The following APCDD1 variants were observed in gnomAD, a reference collection of about 807,000 sequenced individuals.
APCDD1 encodes protein APCDD1.
Under a neutral mutation model 38.1 loss-of-function variants are expected in APCDD1, and 15 were observed. The observed-to-expected ratio is 0.39, with a 90% CI of 0.26 to 0.61. The LOEUF (loss-of-function observed/expected upper bound fraction) is 0.61. APCDD1 is among the 20% of genes least tolerant of loss of function. The pLI, the probability that APCDD1 is intolerant of heterozygous loss-of-function variation, is 0.49. For missense variants in APCDD1, 647 were observed against 696.2 expected (o/e 0.93, Z 0.79); for synonymous variants, 261 against 279.7 (o/e 0.93, Z 0.67).
chr18:10,455,115 C>T (rs2143498491), intron 1 of APCDD1, 76 bp downstream of exon 1: 7 of 1,538,202 alleles, frequency 4.6e-6, no homozygotes, highest in East Asian at 2.5e-5. Context: ...GCGGAGGCGT[C>T]GGGTCTGGAT....
In APCDD1 at chr18:10,454,867, A is replaced by G. The variant is rs1457717193; in HGVS notation, c.-115A>G. 1.7e-6 allele frequency: 2 copies of G among 1,147,614 alleles called. No individual in the cohort carries two copies. Among genetic ancestry groups the G allele is most frequent in the East Asian group, 9.0e-5 (2 of 22,120 alleles). The allele number at this position is 1,147,614 out of a possible 1,614,324, so 71.1% of individuals were successfully genotyped here. A position where few individuals can be genotyped will look rare whatever the true frequency, so the allele number is the denominator to read the frequency against. On this transcript the variant is annotated 5_prime_UTR_variant, in exon 1 of 5. Coordinates refer to ENST00000355285, the MANE Select transcript of APCDD1 (RefSeq NM_153000.5). ...CATGGGGCGCGCGGCAGCCGCCTGAAGCCCCGGCCTGGCCCGGCCGCACCC... is the reference window on the plus strand; with the variant it reads ...CATGGGGCGCGCGGCAGCCGCCTGAGGCCCCGGCCTGGCCCGGCCGCACCC...
chr18:10,471,836 G>A lies in APCDD1; in HGVS notation c.549G>A (p.Gln183=), dbSNP rs771865619. The A allele has an allele frequency of 6.2e-7, 1 of 1,614,190 alleles. No homozygotes were observed. Among genetic ancestry groups the A allele is most frequent in the Admixed American group, 1.7e-5 (1 of 60,034 alleles). ...GFLADGGPWV[Q]DVAYDLWREE... Reference sequence around the variant, plus strand: ...TCGCAGACGGGGGTCCCTGGGTGCAGGACGTGGCCTATGACCTCTGGCGAG... The same window carrying A: ...TCGCAGACGGGGGTCCCTGGGTGCAAGACGTGGCCTATGACCTCTGGCGAG... The change falls in exon 3 of 5, where the codon CAG becomes CAA. Residue 183 remains glutamine (Q), a synonymous_variant. Transcript: ENST00000355285. The surrounding 1 kb of genome is among the most constrained non-coding windows in gnomAD (Gnocchi z 5.5).
At chr18:10,455,935 C>A (rs1430224472) in intron 1 of APCDD1, among the ~76,000 whole-genome samples, 1 of 152,170 alleles carries the variant, frequency 6.6e-6, no homozygotes, top group African/African-American at 2.4e-5. Flanking sequence ...CCCTAATGGT[C>A]AGACACCTGA....
At position 10,454,644 on chromosome 18, in the gene APCDD1, C is replaced by G. The variant is rs1159914544; in HGVS notation, c.-338C>G. Reference sequence around the variant, plus strand: ...GGCGCGCTGGAAATATGAAGAGACGCTGCAGCTGCGGTGGCGGTGGCGGCC... The same window carrying G: ...GGCGCGCTGGAAATATGAAGAGACGGTGCAGCTGCGGTGGCGGTGGCGGCC... On this transcript the variant is annotated 5_prime_UTR_variant, in exon 1 of 5. Coordinates refer to ENST00000355285, the MANE Select transcript of APCDD1 (RefSeq NM_153000.5). 2 of 1,049,532 alleles carry G rather than the reference C, an allele frequency of 1.9e-6. No homozygotes were observed. The highest frequency in any genetic ancestry group is 2.1e-4 in the East Asian group (2 of 9,692). The allele number at this position is 1,049,532 out of a possible 1,614,324, so 65.0% of individuals were successfully genotyped here.
Position 10,469,259 on chromosome 18 carries a change from A to C in APCDD1, c.242+607A>C, listed in dbSNP as rs2030793672. Among the ~76,000 whole-genome samples the C allele has an allele frequency of 6.6e-6, 1 of 152,152 alleles. No individual in the cohort carries two copies. The highest frequency in any genetic ancestry group is 2.4e-5 in the African/African-American group (1 of 41,428). On this transcript the variant is annotated intron_variant, in intron 2 of 4. Transcript: ENST00000355285. This position sits in a 1 kb window ranked among gnomAD's most constrained non-coding sequence, Gnocchi z 5.5. ...TAGATTGCTGAGAATTAACAAGACT[A>C]ACTCTGGGATCTGATCACTTCTCCC...
At position 10,485,754 on chromosome 18, in the gene APCDD1, T is replaced by C; in HGVS notation, c.1067T>C (p.Val356Ala). The C allele has an allele frequency of 6.2e-7, 1 of 1,613,630 alleles. No homozygotes were observed. The highest frequency in any genetic ancestry group is 8.5e-7 in the Non-Finnish European group (1 of 1,180,018). The change falls in exon 4 of 5, where the codon GTC becomes GCC. Residue 356 changes from valine to alanine, a missense_variant. By Grantham distance (64) the Val-to-Ala change is moderately conservative. Transcript: ENST00000355285. The surrounding 1 kb of genome is among the most constrained non-coding windows in gnomAD (Gnocchi z 5.8). ...AGCCGCGGCGTCCTCTCGTCCAGGG[T>C]CATGGGAGGCACCGAGTTCGTGTTC... is the stretch of plus-strand genomic sequence containing the variant. ...RYSRGVLSSR[V>A]MGGTEFVFKV...
rs201504676 is a variant in APCDD1, at chr18:10,471,945, C to T, written c.658C>T (p.His220Tyr). ...QLIRVEKQYL[H>Y]HNLDHLVEEL... ...CATCCGGGTGGAGAAGCAGTACCTT[C>T]ACCACAACCTCGACCACCTGGTCGA... is the stretch of plus-strand genomic sequence containing the variant. Residue 220 changes from histidine to tyrosine, a missense_variant, in exon 3 of 5, where the codon CAC (histidine) becomes TAC (tyrosine). Coordinates refer to ENST00000355285, the MANE Select transcript of APCDD1 (RefSeq NM_153000.5). The surrounding 1 kb of genome is among the most constrained non-coding windows in gnomAD (Gnocchi z 5.5). 4 of 1,614,122 alleles carry T rather than the reference C, an allele frequency of 2.5e-6. No homozygotes were observed. In the African/African-American group the frequency reaches 5.3e-5, roughly 22 times the overall value.
rs953516620 is a variant in APCDD1 at position 10,489,578 on chromosome 18, A to C, written c.*1540A>C. The C allele has an allele frequency of 1.3e-5, 2 of 152,214 alleles. No individual in the cohort carries two copies. Among genetic ancestry groups the C allele is most frequent in the Non-Finnish European group, 2.9e-5 (2 of 68,112 alleles). The allele number at this position is 152,214 out of a possible 1,614,324, so 9.4% of individuals were successfully genotyped here. On this transcript the variant is annotated 3_prime_UTR_variant, in exon 5 of 5. Transcript: ENST00000355285. ...GCCAGGCGTGGTGGTGGGCACCTGT[A>C]GTCCCAGCTACTCGGGAGGCTGAGG...
At position 10,458,929 on chromosome 18, in the gene APCDD1, C is replaced by T. The variant is rs536611145; in HGVS notation, c.58+3890C>T. Reference sequence around the variant, plus strand: ...GTTCTTAATGGGTTGGTTTTGTGTACATAGGCCATTGCTTAGTCCTCTCCA... The same window carrying T: ...GTTCTTAATGGGTTGGTTTTGTGTATATAGGCCATTGCTTAGTCCTCTCCA... On this transcript the variant is annotated intron_variant, in intron 1 of 4. Transcript: ENST00000355285. Among the ~76,000 whole-genome samples the T allele has an allele frequency of 3.9e-5, 6 of 152,308 alleles. No homozygotes were observed. In the East Asian group the frequency reaches 9.6e-4, roughly 24 times the overall value.
rs61741632 is a variant in APCDD1 at position 10,485,506 on chromosome 18, A to G, written c.819A>G (p.Ser273=). 2,784 of 1,614,204 alleles carry G rather than the reference A, an allele frequency of 1.7e-3. 42 individuals are homozygous for G. The African/African-American group carries it at 0.031, about 18-fold the overall frequency. ...ACIACRIIYR[S]DEHHPPILPP... ...TCGCCTGTCGGATCATCTATCGGTC[A>G]GACGAGCACCACCCTCCCATCCTGC... is the stretch of plus-strand genomic sequence containing the variant. The change falls in exon 4 of 5, where the codon TCA becomes TCG. Residue 273 remains serine, a synonymous_variant. Transcript: ENST00000355285. The surrounding 1 kb of genome is among the most constrained non-coding windows in gnomAD (Gnocchi z 5.8).
chr18:10,455,104 C>G, intron 1 of APCDD1, 65 bp downstream of exon 1: 1 of 1,541,724 alleles, frequency 6.5e-7, no homozygotes, highest in Non-Finnish European at 8.7e-7. Flanking sequence ...CCGCGGAGCC[C>G]GCGGAGGCGT....
intron 3 of APCDD1, among the ~76,000 whole-genome samples, chr18:10,482,027 A>T (rs888470497): frequency 2.0e-5 from 3 of 152,100 alleles, no homozygotes; most frequent in Non-Finnish European, 2.9e-5. Flanking sequence ...CCCAGGCGAC[A>T]GCAGTGCCCC....
intron 3 of APCDD1, among the ~76,000 whole-genome samples, chr18:10,480,729 A>T (rs1486349005): frequency 6.6e-6 from 1 of 151,828 alleles, no homozygotes; most frequent in Non-Finnish European, 1.5e-5. Flanking sequence ...TTATCCAGTC[A>T]TGGTGGTGCA....
rs1246455462 is a variant in APCDD1, at chr18:10,485,243, A to T, written c.775-219A>T. Among the ~76,000 whole-genome samples the T allele has an allele frequency of 6.6e-6, 1 of 152,116 alleles. No homozygotes were observed. The highest frequency in any genetic ancestry group is 1.5e-5 in the Non-Finnish European group (1 of 68,026). ...TTCTAAAGTGTCCACATCACACCTG[A>T]AATGTTTGCATAGGTCTGTACTGTC... On this transcript the variant is annotated intron_variant, in intron 3 of 4. Coordinates refer to ENST00000355285, the MANE Select transcript of APCDD1 (RefSeq NM_153000.5). The surrounding 1 kb of genome is among the most constrained non-coding windows in gnomAD (Gnocchi z 5.8).
In APCDD1 at chr18:10,487,921, C is replaced by T. The variant is rs3185480; in HGVS notation, c.1428C>T (p.Leu476=). 0.42 allele frequency: 670,467 copies of T among 1,612,882 alleles called. 142,460 individuals carry two copies. The highest frequency in any genetic ancestry group is 0.62 in the East Asian group (27,904 of 44,846). ...CCTCTTCGCCGAGGGCAGAGGACCT[C>T]GCAGAAGACAGTGGAAGCAGCCTGT... ...CASSSPRAED[L]AEDSGSSLYG... is the part of the protein sequence containing the mutation. The change falls in exon 5 of 5, where the codon CTC becomes CTT. Residue 476 remains leucine, a synonymous_variant. Transcript: ENST00000355285.
Position 10,488,225 on chromosome 18 carries a change from T to C in APCDD1, c.*187T>C, listed in dbSNP as rs1454447861. 2.7e-6 allele frequency: 2 copies of C among 746,638 alleles called. No homozygotes were observed. Among genetic ancestry groups the C allele is most frequent in the Admixed American group, 2.4e-5 (1 of 41,394 alleles). 46.3% of individuals were successfully genotyped at this position (746,638 alleles called of 1,614,324 possible). A position where few individuals can be genotyped will look rare whatever the true frequency, so the allele number is the denominator to read the frequency against. Reference sequence around the variant, plus strand: ...CAAGGAGTGTTTGAAGTTTCTGCTTTGAACTCCGTCCAGCCTGATCCCTGG... The same window carrying C: ...CAAGGAGTGTTTGAAGTTTCTGCTTCGAACTCCGTCCAGCCTGATCCCTGG... On this transcript the variant is annotated 3_prime_UTR_variant, in exon 5 of 5. Coordinates refer to ENST00000355285, the MANE Select transcript of APCDD1 (RefSeq NM_153000.5).
chr18:10,484,050 T>G (rs761026256), intron 3 of APCDD1, among the ~76,000 whole-genome samples: 1 of 152,188 alleles, frequency 6.6e-6, no homozygotes, highest in Admixed American at 6.5e-5. Flanking sequence ...AGAGAGGCCT[T>G]TCTGTGCCAC....
Position 10,469,525 on chromosome 18 carries a change from T to C in APCDD1, c.242+873T>C, listed in dbSNP as rs1391551404. On this transcript the variant is annotated intron_variant, in intron 2 of 4. Coordinates refer to ENST00000355285, the MANE Select transcript of APCDD1 (RefSeq NM_153000.5). The surrounding 1 kb of genome is among the most constrained non-coding windows in gnomAD (Gnocchi z 5.5). ...AAATATTTATTGAGTGCCTACCATA[T>C]GCCAAACACTATTTTAAGTTTTGTT... 1.6e-4 allele frequency among the ~76,000 whole-genome samples: 24 copies of C among 152,216 alleles called. No homozygotes were observed. Among genetic ancestry groups the C allele is most frequent in the Non-Finnish European group, 5.9e-5 (4 of 68,040 alleles).
intron 1 of APCDD1, among the ~76,000 whole-genome samples, chr18:10,458,562 A>C (rs2030441807): frequency 6.6e-6 from 1 of 152,206 alleles, no homozygotes; most frequent in Non-Finnish European, 1.5e-5. Context: ...TCTCAGACAG[A>C]TGTTAAATAT....
Sources: gnomAD v4.1 joint callset for allele counts (sites outside exome capture counted in the v4.1 genomes callset) on GRCh38, gnomAD v4.1.1 for gene constraint, Gnocchi (gnomAD v3.1) non-coding constraint, MANE v1.5 for transcripts, NCBI Gene and HGNC (gene_info 2026-07-23, HGNC 2026-07-21) for gene names.